EIPR1: variants seen among roughly 807,000 people sequenced by gnomAD.
The protein encoded by EIPR1 is EARP complex and GARP complex interacting protein 1, also known as EARP and GARP complex-interacting protein 1.
In EIPR1, 25 loss-of-function variants were observed where a neutral mutation model predicts 48.1. The ratio of observed to expected loss-of-function variants is 0.52; its 90% CI spans 0.38 to 0.73. EIPR1 has a LOEUF of 0.73. EIPR1 is among the 30% of genes least tolerant of loss of function. The probability of loss-of-function intolerance (pLI) is 0.00; values close to 1 mark genes in which losing one functional copy is unlikely to be tolerated. For missense variants in EIPR1, 415 were observed against 506.2 expected, an observed-to-expected ratio of 0.82 and a Z score of 1.73; for synonymous variants, 204 against 201.9, an observed-to-expected ratio of 1.01 and a Z score of -0.09.
At chr2:3,321,128 A>T (rs986125917) in intron 3 of EIPR1, among the ~76,000 whole-genome samples, 1 of 152,130 alleles carries the variant, frequency 6.6e-6, no homozygotes, top group Non-Finnish European at 1.5e-5. Flanking sequence ...GCCCAGGGAG[A>T]GCTCTCGGGA....
At chr2:3,288,491 G>A (rs1668273866) in intron 3 of EIPR1, among the ~76,000 whole-genome samples, 1 of 152,216 alleles carries the variant, frequency 6.6e-6, no homozygotes, top group Non-Finnish European at 1.5e-5. Context: ...ACAGGTGGCA[G>A]AGTAAAAGAC....
chr2:3,292,989 C>T (rs1668415079), intron 3 of EIPR1, among the ~76,000 whole-genome samples: 1 of 152,210 alleles, frequency 6.6e-6, no homozygotes, highest in South Asian at 2.1e-4. Flanking sequence ...CCCTGCTACC[C>T]CGGTCCCATG....
intron 3 of EIPR1, among the ~76,000 whole-genome samples, chr2:3,288,918 C>G (rs1031847158): frequency 6.6e-6 from 1 of 152,232 alleles, no homozygotes; most frequent in African/African-American, 2.4e-5. Flanking sequence ...CCCAGCAGCC[C>G]TGGCCCCCTG....
intron 2 of EIPR1, among the ~76,000 whole-genome samples, chr2:3,346,167 G>A (rs767838578): frequency 2.6e-5 from 4 of 152,262 alleles, no homozygotes; most frequent in Non-Finnish European, 5.9e-5. Context: ...GCCCAAGGGC[G>A]GCAGCAGGGC....
intron 4 of EIPR1, among the ~76,000 whole-genome samples, chr2:3,244,144 C>T (rs539179565): frequency 6.6e-6 from 1 of 152,356 alleles, no homozygotes; most frequent in East Asian, 1.9e-4. Flanking sequence ...GAAACGTTAA[C>T]ATATCAAACA....
At chr2:3,253,692 T>A (rs1274936158) in intron 4 of EIPR1, among the ~76,000 whole-genome samples, 1 of 152,178 alleles carries the variant, frequency 6.6e-6, no homozygotes, top group Non-Finnish European at 1.5e-5. Context: ...GCACACTGGG[T>A]CATAAGGCTC....
At chr2:3,247,274 G>A (rs1172108073) in intron 4 of EIPR1, among the ~76,000 whole-genome samples, 2 of 152,160 alleles carry the variant, frequency 1.3e-5, no homozygotes, top group Non-Finnish European at 1.5e-5. Flanking sequence ...AGAATGCGCC[G>A]AGGTTTCCAT....
At chr2:3,282,059 C>G (rs1388555758) in intron 3 of EIPR1, among the ~76,000 whole-genome samples, 2 of 152,200 alleles carry the variant, frequency 1.3e-5, no homozygotes, top group Non-Finnish European at 2.9e-5. Flanking sequence ...ACAAAAAAAG[C>G]TCACTGATGA....
intron 4 of EIPR1, among the ~76,000 whole-genome samples, chr2:3,217,950 C>T (rs746886107): frequency 2.0e-5 from 3 of 152,178 alleles, no homozygotes; most frequent in Non-Finnish European, 2.9e-5. Context: ...GCTAAATACA[C>T]GTGAGTCCGG....
chr2:3,338,804 C>T (rs1160169703), intron 2 of EIPR1, among the ~76,000 whole-genome samples: 3 of 152,308 alleles, frequency 2.0e-5, no homozygotes, highest in African/African-American at 7.2e-5. Flanking sequence ...TATCTCCATG[C>T]TTTCCAGGAT....
At chr2:3,254,170 CA>C (rs1233181497) in intron 4 of EIPR1, among the ~76,000 whole-genome samples, 1 of 152,154 alleles carries the variant, frequency 6.6e-6, no homozygotes, top group Non-Finnish European at 1.5e-5. Context: ...GACGTTCCCC[CA>C]AATCAAATTC....
intron 3 of EIPR1, among the ~76,000 whole-genome samples, chr2:3,295,467 T>C (rs149847924): frequency 0.022 from 482 of 22,302 alleles, no homozygotes; most frequent in East Asian, 0.028. Flanking sequence ...ATCCTCTCTC[T>C]ACACACCCTC....
At chr2:3,336,889 G>A (rs1558306953) in intron 3 of EIPR1, among the ~76,000 whole-genome samples, 14 of 67,102 alleles carry the variant, frequency 2.1e-4, no homozygotes, top group Non-Finnish European at 3.4e-4. Flanking sequence ...AGGGAAAAGG[G>A]AAGGGAAGGG....
intron 1 of EIPR1, among the ~76,000 whole-genome samples, chr2:3,375,231 G>T (rs1352471430): frequency 8.9e-6 from 1 of 112,652 alleles, no homozygotes; most frequent in Admixed American, 1.1e-4. Context: ...GGACTGTTGT[G>T]GGGTGGGGGG....
chr2:3,189,708 A>ACTGTGGT lies in EIPR1; in HGVS notation c.990-201_990-200insACCACAG, dbSNP rs1664537190. Among the ~76,000 whole-genome samples the ACTGTGGT allele has an allele frequency of 1.3e-5, 2 of 152,128 alleles. No homozygotes were observed. The highest frequency in any genetic ancestry group is 2.9e-5 in the Non-Finnish European group (2 of 68,004). ...TCCCTGCAGAAGCCCAGAAACCCTCACTGTCACTGTGAGGAGTGGGCATTT... is the reference window on the plus strand; with the variant it reads ...TCCCTGCAGAAGCCCAGAAACCCTCACTGTGGTCTGTCACTGTGAGGAGTGGGCATTT... On this transcript the variant is annotated intron_variant, in intron 8 of 8. Transcript: ENST00000382125. The surrounding 1 kb of genome is among the most constrained non-coding windows in gnomAD (Gnocchi z 4.6).
At chr2:3,336,784 G>T (rs67709346) in intron 3 of EIPR1, among the ~76,000 whole-genome samples, 3,994 of 92,774 alleles carry the variant, frequency 0.043, 92 homozygotes, top group Non-Finnish European at 0.047. Flanking sequence ...AAAAGGAAAA[G>T]AAAAGGAAAG....
chr2:3,247,645 G>A (rs1034621229), intron 4 of EIPR1, among the ~76,000 whole-genome samples: 3 of 152,068 alleles, frequency 2.0e-5, no homozygotes, highest in African/African-American at 7.2e-5. Context: ...GGATGTGGTG[G>A]GTCCACAGTC....
chr2:3,350,463 G>A (rs780514472), intron 2 of EIPR1, among the ~76,000 whole-genome samples: 4 of 152,214 alleles, frequency 2.6e-5, no homozygotes, highest in Non-Finnish European at 4.4e-5. Flanking sequence ...CATGAGATTT[G>A]GGTATGGACA....
At chr2:3,260,568 GAAAAC>G (rs995069450) in intron 3 of EIPR1, among the ~76,000 whole-genome samples, 13 of 151,310 alleles carry the variant, frequency 8.6e-5, no homozygotes, top group Middle Eastern at 3.4e-3. Context: ...AGGAAAGAAA[GAAAAC>G]AAAAGAAAAG....
Sources: allele counts gnomAD v4.1 joint callset (sites outside exome capture counted in the v4.1 genomes callset), GRCh38; gene constraint gnomAD v4.1.1; non-coding constraint Gnocchi (gnomAD v3.1); transcripts MANE v1.5; gene names NCBI Gene and HGNC (gene_info 2026-07-23, HGNC 2026-07-21).